Variants in FAP observed in about 807,000 individuals in gnomAD.
The protein encoded by FAP is prolyl endopeptidase FAP.
A neutral mutation model predicts 126.5 loss-of-function variants in FAP; 110 were observed. The ratio of observed to expected loss-of-function variants is 0.87; its 90% confidence interval spans 0.74 to 1.02. The LOEUF (loss-of-function observed/expected upper bound fraction) is 1.02. FAP is among the 50% of genes least tolerant of loss of function. The pLI is 0.00. For synonymous variants in FAP, 334 were observed against 297.3 expected (o/e 1.12, Z -1.27); for missense variants, 919 against 909.2 (o/e 1.01, Z -0.14).
chr2:162,177,408 C>T (rs1559760365), intron 21 of FAP, among the ~76,000 whole-genome samples: 2 of 152,072 alleles, frequency 1.3e-5, no homozygotes, highest in East Asian at 3.9e-4. Flanking sequence ...CATTCTCCCA[C>T]CTCACTTCTC....
intron 14 of FAP, 71 bp from the exon 15 acceptor site, chr2:162,200,690 ATATAGTAT>A: frequency 1.6e-5 from 11 of 686,518 alleles, no homozygotes; most frequent in Non-Finnish European, 2.7e-5. Context: ...ATTAATACTA[ATATAGTAT>A]CAATATAGGT....
chr2:162,204,756 A>C (rs1688633556), intron 12 of FAP, among the ~76,000 whole-genome samples: 1 of 152,184 alleles, frequency 6.6e-6, no homozygotes, highest in South Asian at 2.1e-4. Flanking sequence ...GTTTGCCATA[A>C]CTTATAGCAG....
At chr2:162,216,973 A>T (rs1689181220) in intron 9 of FAP, among the ~76,000 whole-genome samples, 1 of 152,196 alleles carries the variant, frequency 6.6e-6, no homozygotes, top group Non-Finnish European at 1.5e-5. Flanking sequence ...TCCTGCTCCC[A>T]TAGGTCCTCC....
At chr2:162,173,848 C>T (rs753185581) in intron 22 of FAP, 61 bp from the exon 23 acceptor site, 8 of 1,077,282 alleles carry the variant, frequency 7.4e-6, no homozygotes, top group African/African-American at 1.6e-5. Flanking sequence ...CATTAACCAA[C>T]AAGACCTTCT....
intron 21 of FAP, among the ~76,000 whole-genome samples, chr2:162,180,126 G>A (rs1012999764): frequency 2.0e-5 from 3 of 151,880 alleles, no homozygotes; most frequent in Admixed American, 6.6e-5. Flanking sequence ...ATTACTTAAG[G>A]TACAGGGAGA....
At chr2:162,188,488 A>T in intron 19 of FAP, 125 bp from the exon 20 acceptor site, 1 of 856,776 alleles carries the variant, frequency 1.2e-6, no homozygotes, top group Non-Finnish European at 1.8e-6. Flanking sequence ...ATGGCGTTAG[A>T]ACTGGCTCAA....
At chr2:162,217,485 G>T (rs1235916142) in intron 9 of FAP, among the ~76,000 whole-genome samples, 1 of 151,974 alleles carries the variant, frequency 6.6e-6, no homozygotes, top group Non-Finnish European at 1.5e-5. Context: ...AAAAACTATG[G>T]GTTCACACCA....
rs1687274812 is a variant in FAP at position 162,170,710 on chromosome 2, T to A, written c.*269A>T. ...AGCACTTGAACTTCTGACTTTATTA[T>A]TTTTCTTCAAATGAACAGGTGATAA... On this transcript the variant is annotated 3_prime_UTR_variant, in exon 26 of 26. Coordinates refer to ENST00000188790, the MANE Select transcript of FAP (RefSeq NM_004460.5). The A allele has an allele frequency of 2.9e-6, 1 of 349,744 alleles. No individual in the cohort carries two copies. Among genetic ancestry groups the A allele is most frequent in the East Asian group, 5.3e-5 (1 of 19,022 alleles). 21.7% of individuals were successfully genotyped at this position (349,744 alleles called of 1,614,324 possible).
At chr2:162,230,089 C>A (rs1181656994) in intron 2 of FAP, among the ~76,000 whole-genome samples, 2 of 152,060 alleles carry the variant, frequency 1.3e-5, no homozygotes, top group East Asian at 3.9e-4. Context: ...GTATCCAGGG[C>A]TTAGAAAGTG....
chr2:162,224,362 A>G, intron 5 of FAP, 104 bp downstream of exon 5: 1 of 674,996 alleles, frequency 1.5e-6, no homozygotes, highest in Admixed American at 3.1e-5. Context: ...GGGCCTGAAT[A>G]TTTAGAGATA....
At chr2:162,200,693 T>C (rs958720441) in intron 14 of FAP, 74 bp from the exon 15 acceptor site, 3 of 666,738 alleles carry the variant, frequency 4.5e-6, no homozygotes, top group Middle Eastern at 4.2e-4. Context: ...AATACTAATA[T>C]AGTATCAATA....
Position 162,183,401 on chromosome 2 carries a change from T to A in FAP, c.1869+13A>T, listed in dbSNP as rs1357237915. The A allele has an allele frequency of 1.9e-6, 3 of 1,593,020 alleles. No homozygotes were observed. The South Asian group carries it at 3.4e-5, about 18-fold the overall frequency. ...AACTGAATAACAGGCATAAAAAATA[T>A]AAAACAACTCACCCAGCCCCATATG... is the stretch of plus-strand genomic sequence containing the variant. On this transcript the variant is annotated intron_variant, in intron 21 of 25. Transcript: ENST00000188790.
chr2:162,200,419 C>T, intron 15 of FAP, 147 bp downstream of exon 15: 3 of 561,608 alleles, frequency 5.3e-6, no homozygotes, highest in Non-Finnish European at 6.4e-6. Context: ...GTTTTTTATA[C>T]CCATTCTCCA....
intron 20 of FAP, among the ~76,000 whole-genome samples, chr2:162,186,189 C>A (rs1468775469): frequency 1.3e-5 from 2 of 152,114 alleles, no homozygotes; most frequent in Non-Finnish European, 2.9e-5. Context: ...GAGTGTACTG[C>A]AATGGCATGT....
At chr2:162,212,042 G>A (rs918454700) in intron 11 of FAP, among the ~76,000 whole-genome samples, 1 of 152,124 alleles carries the variant, frequency 6.6e-6, no homozygotes, top group Non-Finnish European at 1.5e-5. Flanking sequence ...AAATTCTAAG[G>A]TTATTCAAAC....
In FAP at chr2:162,171,063, G is replaced by A; in HGVS notation, c.2199C>T (p.Asn733=). The change falls in exon 26 of 26, where the codon AAC becomes AAT. Residue 733 remains asparagine, a synonymous_variant. Coordinates refer to ENST00000188790, the MANE Select transcript of FAP (RefSeq NM_004460.5). The part of the protein sequence containing the change: ...DFQAMWYSDQ[N]HGLSGLSTNH... ...TCGTGGACAGGCCGGATAAGCCGTG[G>A]TTCTGGTCAGAGTACCACTGAAACA... The A allele has an allele frequency of 4.3e-6, 7 of 1,613,020 alleles. No homozygotes were observed. In the South Asian group the frequency reaches 6.6e-5, roughly 15 times the overall value.
chr2:162,189,617 C>T (rs376950371), intron 18 of FAP, 39 bp downstream of exon 18: 67 of 1,161,806 alleles, frequency 5.8e-5, no homozygotes, highest in Non-Finnish European at 7.6e-5. Flanking sequence ...AATTGCTCAG[C>T]TTCATATCTA....
rs1407601265 is a variant in FAP at position 162,226,593 on chromosome 2, T to C, written c.120A>G (p.Arg40=). 2 of 1,592,892 alleles carry C rather than the reference T, an allele frequency of 1.3e-6. No homozygotes were observed. The highest frequency in any genetic ancestry group is 8.6e-7 in the Non-Finnish European group (1 of 1,168,622). ...TTAAAATATCCTTCAGTGTGAGTGCTCTCATTGTATTTTCTTCAGAGTTAT... is the reference window on the plus strand; with the variant it reads ...TTAAAATATCCTTCAGTGTGAGTGCCCTCATTGTATTTTCTTCAGAGTTAT... ...RVHNSEENTM[R]ALTLKDILNG... is the part of the protein sequence containing the mutation. The change falls in exon 3 of 26, where the codon AGA becomes AGG. Residue 40 remains arginine, a synonymous_variant. Coordinates refer to ENST00000188790, the MANE Select transcript of FAP (RefSeq NM_004460.5).
chr2:162,196,514 A>G lies in FAP; in HGVS notation c.1403-1766T>C, dbSNP rs536795385. On this transcript the variant is annotated intron_variant, in intron 16 of 25. Coordinates refer to ENST00000188790, the MANE Select transcript of FAP (RefSeq NM_004460.5). ...TGTAGTTTCAATAATGGAAACTTGC[A>G]TATCTTTTTTTTTTTTTTTTTGCCT... 6.5e-4 allele frequency among the ~76,000 whole-genome samples: 98 copies of G among 150,412 alleles called. No homozygotes were observed. The Middle Eastern group carries it at 0.017, about 26-fold the overall frequency.
Sources: allele counts gnomAD v4.1 joint callset (sites outside exome capture counted in the v4.1 genomes callset), GRCh38; gene constraint gnomAD v4.1.1; transcripts MANE v1.5; gene names NCBI Gene and HGNC (gene_info 2026-07-23, HGNC 2026-07-21).